DACH2: variants seen among roughly 807,000 people sequenced by gnomAD.
DACH2 encodes dachshund homolog 2.
Under a neutral mutation model 35.8 loss-of-function variants are expected in DACH2, and 17 were observed. The observed-to-expected ratio is 0.48, with a 90% CI of 0.33 to 0.71. DACH2 has a LOEUF of 0.71. Among genes scored for constraint, DACH2 ranks in the 30% least tolerant of loss-of-function variants. The pLI is 0.02. For synonymous variants in DACH2, 195 were observed against 177.3 expected, an observed-to-expected ratio of 1.10 and a Z score of -0.79; for missense variants, 469 against 472.7, an observed-to-expected ratio of 0.99 and a Z score of 0.07.
intron 1 of DACH2, among the ~76,000 whole-genome samples, chrX:86,298,884 A>G (rs1204129939): frequency 8.9e-6 from 1 of 111,957 alleles, no homozygotes; most frequent in East Asian, 2.8e-4. Flanking sequence ...AATTTTCATA[A>G]TAGTTTGAAG....
At chrX:86,674,604 G>A (rs1480121711) in intron 4 of DACH2, among the ~76,000 whole-genome samples, 4 of 112,082 alleles carry the variant, frequency 3.6e-5, no homozygotes, top group African/African-American at 1.3e-4. Context: ...GATAAGCAAT[G>A]TCAGTGTGAA....
intron 2 of DACH2, among the ~76,000 whole-genome samples, chrX:86,445,920 G>C (rs1471913572): frequency 9.0e-6 from 1 of 111,427 alleles, no homozygotes; most frequent in African/African-American, 3.3e-5. Flanking sequence ...TTTCTGTGTG[G>C]ACGATCAGTC....
At chrX:86,656,859 A>G (rs6652451) in intron 4 of DACH2, among the ~76,000 whole-genome samples, 580 of 30,453 alleles carry the variant, frequency 0.019, no homozygotes, top group Middle Eastern at 0.059. Flanking sequence ...GTGTGTGTGT[A>G]TATATATATA....
intron 5 of DACH2, among the ~76,000 whole-genome samples, chrX:86,698,855 T>C (rs919365474): frequency 9.0e-6 from 1 of 110,974 alleles, no homozygotes; most frequent in Non-Finnish European, 1.9e-5. Flanking sequence ...AAATTCTTAA[T>C]CTAACACATA....
At chrX:86,273,784 A>G (rs1396545171) in intron 1 of DACH2, among the ~76,000 whole-genome samples, 2 of 112,041 alleles carry the variant, frequency 1.8e-5, no homozygotes, top group East Asian at 2.8e-4. Context: ...AATAAAAAAT[A>G]CTTTGCTTTT....
At chrX:86,694,201 A>G (rs1178722991) in intron 4 of DACH2, among the ~76,000 whole-genome samples, 10 of 111,791 alleles carry the variant, frequency 8.9e-5, no homozygotes, top group Admixed American at 7.6e-4. Flanking sequence ...AGCTGCCTGC[A>G]CAACCATTTT....
At chrX:86,371,511 C>T (rs114147682) in intron 1 of DACH2, among the ~76,000 whole-genome samples, 1,123 of 110,877 alleles carry the variant, frequency 0.01, 12 homozygotes, top group African/African-American at 0.035. Context: ...ACAGACAAAG[C>T]GTTTGTTTGG....
At chrX:86,436,126 G>A (rs921415301) in intron 2 of DACH2, among the ~76,000 whole-genome samples, 1 of 110,728 alleles carries the variant, frequency 9.0e-6, no homozygotes, top group African/African-American at 3.3e-5. Flanking sequence ...TGAAATATGA[G>A]CAGTTCCTTT....
At chrX:86,502,510 G>A (rs1466149404) in intron 2 of DACH2, among the ~76,000 whole-genome samples, 2 of 111,999 alleles carry the variant, frequency 1.8e-5, no homozygotes, top group Non-Finnish European at 3.8e-5. Flanking sequence ...CTGAAGACTG[G>A]CTTTTAAATT....
intron 2 of DACH2, among the ~76,000 whole-genome samples, chrX:86,443,219 C>A (rs1445663744): frequency 9.0e-6 from 1 of 111,540 alleles, no homozygotes; most frequent in Non-Finnish European, 1.9e-5. Context: ...TTTATTTGTG[C>A]CTTCTTCAAT....
chrX:86,692,232 T>G (rs1413675571), intron 4 of DACH2, among the ~76,000 whole-genome samples: 1 of 111,573 alleles, frequency 9.0e-6, no homozygotes, highest in Non-Finnish European at 1.9e-5. Context: ...TTTTTATTAT[T>G]ATACTTTAAG....
intron 4 of DACH2, among the ~76,000 whole-genome samples, chrX:86,662,198 T>C (rs1214667967): frequency 2.7e-5 from 3 of 111,745 alleles, no homozygotes; most frequent in African/African-American, 9.8e-5. Context: ...TTCTAACCCT[T>C]GGCTTCTGGT....
chrX:86,720,382 G>A (rs1216329706), intron 6 of DACH2, among the ~76,000 whole-genome samples: 1 of 111,690 alleles, frequency 9.0e-6, no homozygotes, highest in Non-Finnish European at 1.9e-5. Context: ...AATATAATGG[G>A]GGACAGGGAT....
chrX:86,529,141 C>A (rs1276859290), intron 3 of DACH2, among the ~76,000 whole-genome samples: 2 of 111,724 alleles, frequency 1.8e-5, no homozygotes, highest in Non-Finnish European at 3.8e-5. Flanking sequence ...AATGTCTGGG[C>A]TCAAGTGATC....
At chrX:86,308,403 C>T (rs954160257) in intron 1 of DACH2, among the ~76,000 whole-genome samples, 1 of 112,202 alleles carries the variant, frequency 8.9e-6, no homozygotes, top group Non-Finnish European at 1.9e-5. Context: ...AAGCAGCAAT[C>T]GTGTAGAGCT....
chrX:86,171,989 C>G (rs550280623), intron 1 of DACH2, among the ~76,000 whole-genome samples: 2 of 111,825 alleles, frequency 1.8e-5, no homozygotes, highest in South Asian at 7.4e-4. Context: ...TCAGTACTAA[C>G]TAAGTTCGCA....
At chrX:86,417,493 G>T (rs1271288520) in intron 2 of DACH2, among the ~76,000 whole-genome samples, 1 of 106,530 alleles carries the variant, frequency 9.4e-6, no homozygotes, top group Non-Finnish European at 1.9e-5. Context: ...CTACATGGAT[G>T]GCAGCAGGCA....
At chrX:86,636,022 G>A (rs774617056) in intron 3 of DACH2, among the ~76,000 whole-genome samples, 2 of 112,007 alleles carry the variant, frequency 1.8e-5, no homozygotes, top group Non-Finnish European at 3.8e-5. Flanking sequence ...CAAACCCAGA[G>A]AAAACTATTT....
intron 6 of DACH2, among the ~76,000 whole-genome samples, chrX:86,738,187 G>A (rs1212222154): frequency 8.9e-6 from 1 of 111,863 alleles, no homozygotes; most frequent in Non-Finnish European, 1.9e-5. Context: ...GCCATGTGAA[G>A]TAACAAATTC....
Sources: allele counts gnomAD v4.1 joint callset (sites outside exome capture counted in the v4.1 genomes callset), GRCh38; gene constraint gnomAD v4.1.1; transcripts MANE v1.5; gene names NCBI Gene and HGNC (gene_info 2026-07-23, HGNC 2026-07-21).